CASP8: variants seen among roughly 807,000 people sequenced by gnomAD.
The protein encoded by CASP8 is caspase-8.
Under a neutral mutation model 46.3 loss-of-function variants are expected in CASP8, and 24 were observed. The ratio of observed to expected loss-of-function variants is 0.52; its 90% CI spans 0.38 to 0.73. The LOEUF is 0.73. Ranked by LOEUF, CASP8 falls within the 30% of genes least tolerant of loss-of-function variation. CASP8 has a pLI of 0.00. For synonymous variants in CASP8, 188 were observed against 200.4 expected (o/e 0.94, Z 0.52); for missense variants, 460 against 559.0 (o/e 0.82, Z 1.79).
intron 2 of CASP8, among the ~76,000 whole-genome samples, chr2:201,246,714 G>T (rs746600941): frequency 3.0e-4 from 45 of 152,130 alleles, no homozygotes; most frequent in Non-Finnish European, 8.8e-5. Context: ...TGCATGTCCT[G>T]CTCAGATCCC....
chr2:201,285,172 T>C lies in CASP8; in HGVS notation c.1159T>C (p.Ser387Pro), dbSNP rs1181652503. Residue 387 changes from serine (S) to proline (P), a missense_variant, in exon 8 of 9, where the codon TCA (serine) becomes CCA (proline). Ser to Pro is a moderately conservative substitution (Grantham distance 74). Coordinates refer to ENST00000673742, the MANE Select transcript of CASP8 (RefSeq NM_001372051.1). Reference sequence around the variant, plus strand: ...ACCCTATTTAGAAATGGATTTATCATCACCTCAAACGAGATATATCCCGGA... The same window carrying C: ...ACCCTATTTAGAAATGGATTTATCACCACCTCAAACGAGATATATCCCGGA... ...EQPYLEMDLS[S>P]PQTRYIPDEA... 1.9e-6 allele frequency: 3 copies of C among 1,614,192 alleles called. No homozygotes were observed. The Admixed American group carries it at 5.0e-5, about 27-fold the overall frequency.
chr2:201,236,344 T>G (rs1946046076), intron 2 of CASP8, among the ~76,000 whole-genome samples: 1 of 152,180 alleles, frequency 6.6e-6, no homozygotes, highest in Non-Finnish European at 1.5e-5. Context: ...CATGGATTAT[T>G]TAGAGTTGTG....
intron 2 of CASP8, among the ~76,000 whole-genome samples, chr2:201,251,553 C>T (rs1946778871): frequency 6.8e-6 from 1 of 146,936 alleles, no homozygotes; most frequent in Admixed American, 6.9e-5. Flanking sequence ...CAAGATGGCG[C>T]CACTGCACTC....
chr2:201,284,918 T>G lies in CASP8; in HGVS notation c.905T>G (p.Met302Arg). Residue 302 changes from methionine to arginine, a missense_variant, in exon 8 of 9, where the codon ATG becomes AGG. Coordinates refer to ENST00000673742, the MANE Select transcript of CASP8 (RefSeq NM_001372051.1). ...IYEILKIYQL[M>R]DHSNMDCFIC... The stretch of plus-strand genomic sequence containing the variant: ...GAGATTTTGAAAATCTACCAACTCA[T>G]GGACCACAGTAACATGGACTGCTTC... 6.2e-7 allele frequency: 1 copy of G among 1,614,172 alleles called. No individual in the cohort carries two copies. Among genetic ancestry groups the G allele is most frequent in the Non-Finnish European group, 8.5e-7 (1 of 1,180,030 alleles).
intron 2 of CASP8, among the ~76,000 whole-genome samples, chr2:201,243,954 A>C (rs1946405817): frequency 6.6e-6 from 1 of 152,198 alleles, no homozygotes; most frequent in Non-Finnish European, 1.5e-5. Context: ...AGCCTTTGTA[A>C]TTGCTAATGG....
chr2:201,269,731 C>CACTT, intron 2 of CASP8: 1 of 679,592 alleles, frequency 1.5e-6, no homozygotes, highest in Non-Finnish European at 2.7e-6. Flanking sequence ...CTAGGGTGAC[C>CACTT]ACTTACCATT....
At position 201,233,538 on chromosome 2, in the gene CASP8, A is replaced by G. The variant is rs1576164512; in HGVS notation, c.-140A>G. The G allele has an allele frequency of 6.6e-6, 1 of 152,324 alleles. No homozygotes were observed. The highest frequency in any genetic ancestry group is 1.9e-4 in the East Asian group (1 of 5,194). The allele number at this position is 152,324 out of a possible 1,614,324, so 9.4% of individuals were successfully genotyped here. On this transcript the variant is annotated 5_prime_UTR_variant, in exon 1 of 7. Transcript: ENST00000264274. ...GCTTCCTGCCTGCCTGTACCCCGCCAACAGCTTCAGAAGAAGGTGACTGGT... is the reference window on the plus strand; with the variant it reads ...GCTTCCTGCCTGCCTGTACCCCGCCGACAGCTTCAGAAGAAGGTGACTGGT...
At chr2:201,233,946 A>C (rs774079150) in intron 1 of CASP8, 1 of 152,244 alleles carries the variant, frequency 6.6e-6, no homozygotes. Flanking sequence ...TCAAGACATC[A>C]GTAGAAGGAG....
At chr2:201,237,438 T>TAAAAAAAAAAAAAAAAAAAAGAAAAAA in intron 2 of CASP8, among the ~76,000 whole-genome samples, 1 of 46,104 alleles carries the variant, frequency 2.2e-5, no homozygotes, top group South Asian at 5.7e-4. Flanking sequence ...ATCTTCAGAG[T>TAAAAAAAAAAAAAAAAAAAAGAAAAAA]AAAAAAAAAA....
At chr2:201,269,588 CG>C (rs773733228) in intron 2 of CASP8, 3 of 1,612,278 alleles carry the variant, frequency 1.9e-6, no homozygotes, top group Admixed American at 1.7e-5. Flanking sequence ...GGCGGAGGGT[CG>C]ATCATCTATT....
chr2:201,259,381 G>A (rs373365416), upstream of CASP8, among the ~76,000 whole-genome samples: 8 of 152,114 alleles, frequency 5.3e-5, no homozygotes, highest in African/African-American at 1.9e-4. Context: ...TCATTTTGTT[G>A]CCCAGGCTGG....
intron 1 of CASP8, among the ~76,000 whole-genome samples, chr2:201,260,876 T>C (rs1459824175): frequency 6.6e-6 from 1 of 152,190 alleles, no homozygotes; most frequent in South Asian, 2.1e-4. Flanking sequence ...GCTTCTGAAA[T>C]GCTGCAAGTT....
chr2:201,239,030 TCCATTCAAC>T (rs1422594809), intron 2 of CASP8, among the ~76,000 whole-genome samples: 1 of 152,140 alleles, frequency 6.6e-6, no homozygotes, highest in African/African-American at 2.4e-5. Context: ...CCGCCCTTAA[TCCATTCAAC>T]CCTGAGTGGA....
chr2:201,240,361 A>G (rs982951729), intron 2 of CASP8: 6 of 152,240 alleles, frequency 3.9e-5, no homozygotes, highest in African/African-American at 1.4e-4. Flanking sequence ...ATGACAACCC[A>G]AAGAGAGCAA....
At chr2:201,251,830 G>A (rs1336936247) in intron 2 of CASP8, among the ~76,000 whole-genome samples, 1 of 151,998 alleles carries the variant, frequency 6.6e-6, no homozygotes, top group Non-Finnish European at 1.5e-5. Flanking sequence ...TGAACCCAGA[G>A]GCAGAGGCTG....
chr2:201,247,844 C>CCA, intron 2 of CASP8, among the ~76,000 whole-genome samples: 1 of 152,192 alleles, frequency 6.6e-6, no homozygotes, highest in South Asian at 2.1e-4. Context: ...CAGCGTTTCA[C>CCA]TGTTTTAGCC....
At chr2:201,271,186 A>T (rs1948220927) in intron 2 of CASP8, among the ~76,000 whole-genome samples, 1 of 152,180 alleles carries the variant, frequency 6.6e-6, no homozygotes, top group Non-Finnish European at 1.5e-5. Context: ...TGAAAAGCAT[A>T]ATTTCCAAAA....
At chr2:201,236,523 A>G (rs76068885) in intron 2 of CASP8, among the ~76,000 whole-genome samples, 6,115 of 152,242 alleles carry the variant, frequency 0.04, 430 homozygotes, top group African/African-American at 0.14. Context: ...TGAATTCCAC[A>G]GTGTTTGTGA....
rs547927032 is a variant in CASP8, at chr2:201,238,492, A to G, written c.-27+4380A>G. On this transcript the variant is annotated intron_variant, in intron 2 of 6. Coordinates refer to the CASP8 transcript ENST00000264274. ...AGTCTTACTCTGTCACTCAGGCTGG[A>G]GTGCAGTGGCGTAATCTTGGCTCAC... 1.0e-4 allele frequency among the ~76,000 whole-genome samples: 15 copies of G among 150,708 alleles called. No homozygotes were observed. The East Asian group carries it at 2.5e-3, about 26-fold the overall frequency.
Sources: allele counts gnomAD v4.1 joint callset (sites outside exome capture counted in the v4.1 genomes callset), GRCh38; gene constraint gnomAD v4.1.1; transcripts MANE v1.5; gene names NCBI Gene and HGNC (gene_info 2026-07-23, HGNC 2026-07-21).